SACM1L: variants seen among roughly 807,000 people sequenced by gnomAD.
The protein encoded by SACM1L is phosphatidylinositol-3-phosphatase SAC1.
In SACM1L, 32 loss-of-function variants were observed where a neutral mutation model predicts 89.5. The observed-to-expected ratio is 0.36, with a 90% CI of 0.27 to 0.48. The LOEUF is 0.48. SACM1L is among the 20% of genes least tolerant of loss of function. The pLI is 0.99. For synonymous variants in SACM1L, 213 were observed against 232.8 expected, an observed-to-expected ratio of 0.92 and a Z score of 0.77; for missense variants, 543 against 708.5, an observed-to-expected ratio of 0.77 and a Z score of 2.65.
At chr3:45,735,398 A>G in intron 14 of SACM1L, 25 bp downstream of exon 14, 1 of 1,473,962 alleles carries the variant, frequency 6.8e-7, no homozygotes, top group Non-Finnish European at 9.0e-7. Context: ...TTTTTTTTTA[A>G]TTGAAAAACA....
At chr3:45,706,959 C>A in intron 4 of SACM1L, 52 bp downstream of exon 4, 1 of 1,571,218 alleles carries the variant, frequency 6.4e-7, no homozygotes. Context: ...GTAGCATGGG[C>A]TGGGGAGAGG....
At position 45,744,110 on chromosome 3, in the gene SACM1L, A is replaced by G. The variant is rs987050493; in HGVS notation, c.*441A>G. On this transcript the variant is annotated 3_prime_UTR_variant, in exon 20 of 20. Coordinates refer to ENST00000389061, the MANE Select transcript of SACM1L (RefSeq NM_014016.5). ...TATTAGCAGGCATACTTTTCCACACATCTTTGGACTTTTCTTAAAAGTTCA... is the reference window on the plus strand; with the variant it reads ...TATTAGCAGGCATACTTTTCCACACGTCTTTGGACTTTTCTTAAAAGTTCA... The G allele has an allele frequency of 6.5e-6, 1 of 153,314 alleles. No individual in the cohort carries two copies. The highest frequency in any genetic ancestry group is 1.5e-5 in the Non-Finnish European group (1 of 68,796). The allele number at this position is 153,314 out of a possible 1,614,324, so 9.5% of individuals were successfully genotyped here. A position where few individuals can be genotyped will look rare whatever the true frequency, so the allele number is the denominator to read the frequency against.
intron 1 of SACM1L, among the ~76,000 whole-genome samples, chr3:45,698,777 A>G (rs1425257248): frequency 6.7e-6 from 1 of 149,314 alleles, no homozygotes; most frequent in Non-Finnish European, 1.5e-5. Context: ...TCTTGACTGA[A>G]CTCCTAACTT....
At position 45,711,700 on chromosome 3, in the gene SACM1L, A is replaced by G. The variant is rs372616751; in HGVS notation, c.484-1437A>G. 4.6e-5 allele frequency among the ~76,000 whole-genome samples: 7 copies of G among 152,316 alleles called. No homozygotes were observed. The East Asian group carries it at 9.6e-4, about 21-fold the overall frequency. On this transcript the variant is annotated intron_variant, in intron 5 of 19. Transcript: ENST00000389061. ...CCCTAAATATTTTAACTTAAAACCTAAAAGTTTTACATTGGTCAATGTTTT... is the reference window on the plus strand; with the variant it reads ...CCCTAAATATTTTAACTTAAAACCTGAAAGTTTTACATTGGTCAATGTTTT...
intron 7 of SACM1L, among the ~76,000 whole-genome samples, chr3:45,717,204 A>T (rs1057126866): frequency 6.6e-6 from 1 of 152,188 alleles, no homozygotes; most frequent in Non-Finnish European, 1.5e-5. Flanking sequence ...ATTAGGTACC[A>T]TTTTGAAAAG....
intron 11 of SACM1L, among the ~76,000 whole-genome samples, chr3:45,727,842 G>A (rs534234986): frequency 8.1e-4 from 124 of 152,178 alleles, no homozygotes; most frequent in Middle Eastern, 6.9e-3. Context: ...TGATCTGCCC[G>A]CCTCGGCCTT....
intron 1 of SACM1L, among the ~76,000 whole-genome samples, chr3:45,702,161 A>G (rs1698290494): frequency 6.6e-6 from 1 of 152,294 alleles, no homozygotes; most frequent in Middle Eastern, 3.4e-3. Context: ...TGAACCATAG[A>G]AGGTTGTAAG....
rs1444255151 is a variant in SACM1L at position 45,743,953 on chromosome 3, TATTG to T, written c.*289_*292del. ...GAAGCTGAATCTGTTCATTGTATTC[TATTG>T]ATTGTCAATTTAATTAGCTGTTGCA... On this transcript the variant is annotated 3_prime_UTR_variant, in exon 20 of 20. Coordinates refer to ENST00000389061, the MANE Select transcript of SACM1L (RefSeq NM_014016.5). 3.9e-6 allele frequency: 1 copy of T among 253,398 alleles called. No homozygotes were observed. Among genetic ancestry groups the T allele is most frequent in the Non-Finnish European group, 7.5e-6 (1 of 134,126 alleles). 15.7% of individuals were successfully genotyped at this position (253,398 alleles called of 1,614,324 possible).
chr3:45,715,710 G>A (rs1487940720), intron 7 of SACM1L, among the ~76,000 whole-genome samples: 1 of 151,446 alleles, frequency 6.6e-6, no homozygotes, highest in Non-Finnish European at 1.5e-5. Flanking sequence ...GGAGACGGAG[G>A]TTGCAGTGAG....
chr3:45,720,617 A>G (rs1386415145), intron 8 of SACM1L, among the ~76,000 whole-genome samples: 3 of 152,074 alleles, frequency 2.0e-5, no homozygotes, highest in African/African-American at 7.2e-5. Context: ...TCTTTTCATA[A>G]AGATCTTTCT....
intron 11 of SACM1L, among the ~76,000 whole-genome samples, chr3:45,723,950 G>GCACA (rs762724452): frequency 1.4e-4 from 17 of 117,452 alleles, no homozygotes; most frequent in Non-Finnish European, 3.2e-4. Flanking sequence ...ATGCATATAT[G>GCACA]CACACACACA....
intron 1 of SACM1L, among the ~76,000 whole-genome samples, chr3:45,701,660 G>T (rs758407281): frequency 1.1e-4 from 16 of 152,178 alleles, no homozygotes; most frequent in Non-Finnish European, 1.9e-4. Flanking sequence ...AAAGGGAAGT[G>T]TACAGTTTGA....
Position 45,735,370 on chromosome 3 carries a change from T to C in SACM1L, c.1236T>C (p.Leu412=). ...LLARRSLQAQ[L]QRLGVLHVGQ... ...CTCGTCGTTCACTTCAGGCCCAACT[T>C]CAGGTGCGAATGCTTTTTTTTTTTT... Residue 412 remains leucine (L), a synonymous_variant, in exon 14 of 20, where the codon CTT becomes CTC. Coordinates refer to ENST00000389061, the MANE Select transcript of SACM1L (RefSeq NM_014016.5). 1 of 1,511,092 alleles carries C rather than the reference T, an allele frequency of 6.6e-7. No homozygotes were observed. The highest frequency in any genetic ancestry group is 8.8e-7 in the Non-Finnish European group (1 of 1,130,664). The allele number at this position is 1,511,092 out of a possible 1,614,324, so 93.6% of individuals were successfully genotyped here. A position where few individuals can be genotyped will look rare whatever the true frequency, so the allele number is the denominator to read the frequency against.
At chr3:45,741,706 ATCT>A (rs1699320187) in intron 19 of SACM1L, among the ~76,000 whole-genome samples, 1 of 152,194 alleles carries the variant, frequency 6.6e-6, no homozygotes, top group Admixed American at 6.5e-5. Context: ...AGAAAGAGCC[ATCT>A]TATTATTATT....
At chr3:45,714,939 A>T (rs1339290252) in intron 7 of SACM1L, among the ~76,000 whole-genome samples, 1 of 152,206 alleles carries the variant, frequency 6.6e-6, no homozygotes, top group Non-Finnish European at 1.5e-5. Context: ...GTCCTATAAG[A>T]TTATAATACC....
chr3:45,741,689 G>A (rs1034418162), intron 19 of SACM1L, among the ~76,000 whole-genome samples: 10 of 152,130 alleles, frequency 6.6e-5, no homozygotes, highest in Admixed American at 5.2e-4. Flanking sequence ...ATGTTGAGTA[G>A]GGGGAAAGAA....
chr3:45,731,828 A>G (rs2253979), intron 12 of SACM1L, among the ~76,000 whole-genome samples: 95,365 of 152,030 alleles, frequency 0.63, 30,363 homozygotes, highest in Non-Finnish European at 0.66. Context: ...ATATCTGCAC[A>G]TATCATATAT....
chr3:45,691,792 T>G (rs1348099009), intron 1 of SACM1L, among the ~76,000 whole-genome samples: 1 of 152,098 alleles, frequency 6.6e-6, no homozygotes, highest in African/African-American at 2.4e-5. Context: ...CTTCGGATTT[T>G]AAATAATAAT....
At chr3:45,729,189 C>T (rs867319270) in intron 11 of SACM1L, among the ~76,000 whole-genome samples, 6 of 152,002 alleles carry the variant, frequency 3.9e-5, no homozygotes, top group South Asian at 2.1e-4. Flanking sequence ...TGGGTTCAAG[C>T]GATTCTCCTG....
Sources: allele counts gnomAD v4.1 joint callset (sites outside exome capture counted in the v4.1 genomes callset), GRCh38; gene constraint gnomAD v4.1.1; transcripts MANE v1.5; gene names NCBI Gene and HGNC (gene_info 2026-07-23, HGNC 2026-07-21).